Variants in FHOD3 observed in about 807,000 individuals in gnomAD.
FHOD3 encodes the protein formin homology 2 domain containing 3.
A neutral mutation model predicts 173.0 loss-of-function variants in FHOD3; 90 were observed. That is an observed-to-expected ratio of 0.52 (90% CI 0.44 to 0.62). FHOD3 has a LOEUF of 0.62. Ranked by LOEUF, FHOD3 falls within the 20% of genes least tolerant of loss-of-function variation. The pLI, the probability that FHOD3 is intolerant of heterozygous loss-of-function variation, is 0.00. For missense variants in FHOD3, 1,945 were observed against 2,034.7 expected (o/e 0.96, Z 0.85); for synonymous variants, 828 against 823.0 (o/e 1.01, Z -0.10).
intron 3 of FHOD3, among the ~76,000 whole-genome samples, chr18:36,490,331 A>G (rs2054402734): frequency 6.6e-6 from 1 of 152,208 alleles, no homozygotes; most frequent in East Asian, 1.9e-4. Context: ...TGGGGCCCCA[A>G]AGCTGACTCA....
rs148866621 is a variant in FHOD3, at chr18:36,693,265, G to A, written c.2078G>A (p.Arg693Gln). The A allele has an allele frequency of 3.3e-5, 53 of 1,613,742 alleles. No homozygotes were observed. The highest frequency in any genetic ancestry group is 1.6e-4 in the Middle Eastern group (1 of 6,078). Residue 693 changes from arginine (R) to glutamine (Q), a missense_variant, in exon 17 of 29, where the codon CGG becomes CAG. By Grantham distance (43) the Arg-to-Gln change is conservative. Transcript: ENST00000590592. Reference protein sequence around the residue: ...AEEHEKELRSRSVSRGRADLS... With the variant: ...AEEHEKELRSQSVSRGRADLS... ...GAGCACGAGAAGGAGCTGAGAAGCC[G>A]GAGTGTGAGCCGGGGCAGAGCCGAC...
chr18:36,702,664 A>G (rs1434599645), intron 17 of FHOD3, among the ~76,000 whole-genome samples: 1 of 152,240 alleles, frequency 6.6e-6, no homozygotes, highest in Non-Finnish European at 1.5e-5. Flanking sequence ...GAAGCCACCC[A>G]GAGATGTATC....
At chr18:36,625,131 A>AT (rs1193720967) in intron 9 of FHOD3, among the ~76,000 whole-genome samples, 2 of 152,134 alleles carry the variant, frequency 1.3e-5, no homozygotes, top group African/African-American at 4.8e-5. Flanking sequence ...TTCAGGAGAG[A>AT]TTCAGGCTCA....
intron 1 of FHOD3, among the ~76,000 whole-genome samples, chr18:36,300,545 A>T (rs1480204963): frequency 6.6e-6 from 1 of 152,112 alleles, no homozygotes; most frequent in Non-Finnish European, 1.5e-5. Flanking sequence ...GCCACCAGTG[A>T]GGCTTTTTGG....
chr18:36,509,068 TA>T (rs2055471612), intron 4 of FHOD3, among the ~76,000 whole-genome samples: 1 of 152,220 alleles, frequency 6.6e-6, no homozygotes, highest in African/African-American at 2.4e-5. Context: ...CATGTTAAAC[TA>T]CACCACAGGG....
intron 3 of FHOD3, among the ~76,000 whole-genome samples, chr18:36,496,518 C>A (rs922154094): frequency 6.6e-6 from 1 of 152,124 alleles, no homozygotes; most frequent in African/African-American, 2.4e-5. Context: ...CTTTTTGGTA[C>A]CACTGTTTTA....
At chr18:36,492,492 T>G (rs1027576719) in intron 3 of FHOD3, among the ~76,000 whole-genome samples, 2 of 152,220 alleles carry the variant, frequency 1.3e-5, no homozygotes, top group African/African-American at 4.8e-5. Context: ...TGTGGTACGT[T>G]TGTTACAACT....
At chr18:36,305,196 G>A (rs1363778117) in intron 1 of FHOD3, among the ~76,000 whole-genome samples, 1 of 152,064 alleles carries the variant, frequency 6.6e-6, no homozygotes, top group African/African-American at 2.4e-5. Context: ...GAGACACATA[G>A]TAACAAATGG....
intron 25 of FHOD3, 49 bp downstream of exon 25, chr18:36,755,360 GATCA>G (rs2042582438): frequency 2.0e-6 from 2 of 1,006,978 alleles, no homozygotes; most frequent in Non-Finnish European, 1.3e-6. Context: ...TTCAAAGTAA[GATCA>G]GTCAGGAATC....
chr18:36,314,365 A>G (rs1327815253), intron 1 of FHOD3, among the ~76,000 whole-genome samples: 1 of 152,224 alleles, frequency 6.6e-6, no homozygotes, highest in Non-Finnish European at 1.5e-5. Flanking sequence ...CATTTTATCA[A>G]TTAGCAAAAT....
At chr18:36,592,354 A>T (rs150175362) in intron 6 of FHOD3, among the ~76,000 whole-genome samples, 1 of 152,378 alleles carries the variant, frequency 6.6e-6, no homozygotes, top group East Asian at 1.9e-4. Flanking sequence ...GACTGGTTCC[A>T]GGTGGCTTTC....
At chr18:36,731,210 G>A (rs2041343393) in intron 20 of FHOD3, among the ~76,000 whole-genome samples, 1 of 152,182 alleles carries the variant, frequency 6.6e-6, no homozygotes, top group Non-Finnish European at 1.5e-5. Context: ...GCATTTGTTG[G>A]GGTACAGAGA....
At chr18:36,315,913 G>A (rs2144798724) in intron 1 of FHOD3, among the ~76,000 whole-genome samples, 1 of 152,230 alleles carries the variant, frequency 6.6e-6, no homozygotes, top group East Asian at 1.9e-4. Context: ...GATTTGCTAG[G>A]CCCTGAAGTG....
intron 3 of FHOD3, among the ~76,000 whole-genome samples, chr18:36,490,957 A>G (rs1316659945): frequency 2.6e-5 from 4 of 152,150 alleles, no homozygotes; most frequent in Non-Finnish European, 5.9e-5. Flanking sequence ...TCCCGGGTTA[A>G]CTCACGCCTT....
At chr18:36,300,100 C>T (rs2091920348) in intron 1 of FHOD3, among the ~76,000 whole-genome samples, 1 of 152,186 alleles carries the variant, frequency 6.6e-6, no homozygotes, top group Admixed American at 6.5e-5. Flanking sequence ...GCATGGTTTC[C>T]TTTCATACTA....
intron 3 of FHOD3, among the ~76,000 whole-genome samples, chr18:36,486,126 T>G (rs888484850): frequency 1.3e-5 from 2 of 152,186 alleles, no homozygotes; most frequent in Non-Finnish European, 2.9e-5. Context: ...CAACAGAACT[T>G]CCTCCATTTT....
At chr18:36,627,261 T>C (rs1212083444) in intron 10 of FHOD3, among the ~76,000 whole-genome samples, 1 of 152,166 alleles carries the variant, frequency 6.6e-6, no homozygotes, top group East Asian at 1.9e-4. Flanking sequence ...AAAAGGCCTG[T>C]ATATAAAGCC....
chr18:36,723,905 A>G (rs1042694857), intron 19 of FHOD3, among the ~76,000 whole-genome samples: 1 of 152,066 alleles, frequency 6.6e-6, no homozygotes, highest in Non-Finnish European at 1.5e-5. Context: ...TTTTCTTTCC[A>G]CTTCTTTTCC....
rs2055712064 is a variant in FHOD3 at position 36,512,526 on chromosome 18, A to G, written c.494A>G (p.Gln165Arg). 4 of 1,613,826 alleles carry G rather than the reference A, an allele frequency of 2.5e-6. No individual in the cohort carries two copies. Among genetic ancestry groups the G allele is most frequent in the Non-Finnish European group, 8.5e-7 (1 of 1,179,764 alleles). ...GGAGCTGAGGCTGATCAGAACTATC[A>G]GAACTACATCTTAAGGGGTAAGTCA... ...KVGAEADQNY[Q>R]NYILRALGQI... The change falls in exon 5 of 29, where the codon CAG becomes CGG. Residue 165 changes from glutamine (Q) to arginine (R), a missense_variant. Around this residue, in one of 5 missense-constraint regions of FHOD3, gnomAD observed 245 missense variants for 267.7 expected, o/e 0.92. Coordinates refer to ENST00000590592, the MANE Select transcript of FHOD3 (RefSeq NM_001281740.3).
Sources: allele counts gnomAD v4.1 joint callset (sites outside exome capture counted in the v4.1 genomes callset), GRCh38; gene constraint gnomAD v4.1.1; regional missense constraint gnomAD v4.1.1; transcripts MANE v1.5; gene names NCBI Gene and HGNC (gene_info 2026-07-23, HGNC 2026-07-21).